The following NRG3 variants were observed in gnomAD, a reference collection of about 807,000 sequenced individuals.
The protein encoded by NRG3 is pro-neuregulin-3, membrane-bound isoform.
A neutral mutation model predicts 66.9 loss-of-function variants in NRG3; 31 were observed. That is an observed-to-expected ratio of 0.46 (90% CI 0.35 to 0.63). The LOEUF is 0.63. NRG3 is among the 20% of genes least tolerant of loss of function. The probability of loss-of-function intolerance (pLI) is 0.00; values close to 1 mark genes in which losing one functional copy is unlikely to be tolerated. For missense variants in NRG3, 910 were observed against 878.9 expected (o/e 1.04, Z -0.45); for synonymous variants, 393 against 359.4 (o/e 1.09, Z -1.06).
chr10:82,960,214 C>A (rs1850490712), intron 6 of NRG3, among the ~76,000 whole-genome samples: 1 of 152,174 alleles, frequency 6.6e-6, no homozygotes, highest in South Asian at 2.1e-4. Flanking sequence ...TGTTAAACTT[C>A]TATTCATGGC....
At chr10:82,548,523 T>TCACACACA (rs59459683) in intron 2 of NRG3, among the ~76,000 whole-genome samples, 11 of 139,458 alleles carry the variant, frequency 7.9e-5, no homozygotes, top group Non-Finnish European at 1.6e-4. Flanking sequence ...ATTCTGTCTC[T>TCACACACA]CACACACACA....
intron 2 of NRG3, among the ~76,000 whole-genome samples, chr10:82,388,532 G>C (rs1292340096): frequency 1.3e-5 from 2 of 151,992 alleles, no homozygotes; most frequent in Admixed American, 6.6e-5. Context: ...ATGTAATATG[G>C]TAAATATTTG....
intron 2 of NRG3, among the ~76,000 whole-genome samples, chr10:82,386,714 T>C (rs2086017823): frequency 2.0e-5 from 3 of 152,316 alleles, no homozygotes; most frequent in Non-Finnish European, 2.9e-5. Flanking sequence ...TAATATGTCT[T>C]ATCAAATTAC....
At chr10:82,700,735 GTTCT>G (rs918192160) in intron 2 of NRG3, among the ~76,000 whole-genome samples, 49 of 152,030 alleles carry the variant, frequency 3.2e-4, no homozygotes, top group Non-Finnish European at 4.4e-5. Flanking sequence ...GATCTTCTGT[GTTCT>G]TTGTGTCTAC....
intron 1 of NRG3, among the ~76,000 whole-genome samples, chr10:82,048,325 C>T (rs1482341380): frequency 6.6e-6 from 1 of 151,600 alleles, no homozygotes; most frequent in Non-Finnish European, 1.5e-5. Context: ...CACACCTATT[C>T]CAAAATTGAC....
intron 1 of NRG3, among the ~76,000 whole-genome samples, chr10:82,159,314 C>G (rs960675059): frequency 1.3e-5 from 2 of 151,886 alleles, no homozygotes; most frequent in African/African-American, 4.8e-5. Flanking sequence ...CACTCCAACA[C>G]TATCTTCCTT....
At chr10:82,949,854 C>T (rs1849361114) in intron 4 of NRG3, among the ~76,000 whole-genome samples, 1 of 150,670 alleles carries the variant, frequency 6.6e-6, no homozygotes, top group African/African-American at 2.4e-5. Flanking sequence ...GACTCTATAT[C>T]AAAAACAAAA....
chr10:82,351,526 C>G (rs1013342919), intron 1 of NRG3, among the ~76,000 whole-genome samples: 1 of 152,122 alleles, frequency 6.6e-6, no homozygotes, highest in Non-Finnish European at 1.5e-5. Context: ...TGAGGTCTCT[C>G]TGTGCTGGAG....
chr10:82,953,836 T>C (rs938009411), intron 5 of NRG3, among the ~76,000 whole-genome samples: 4 of 151,524 alleles, frequency 2.6e-5, no homozygotes, highest in Non-Finnish European at 5.9e-5. Context: ...TGAGCACCTG[T>C]AATCTCAGCT....
chr10:82,791,155 C>A (rs977802573), intron 3 of NRG3, among the ~76,000 whole-genome samples: 4 of 152,044 alleles, frequency 2.6e-5, no homozygotes, highest in African/African-American at 9.7e-5. Context: ...CCTGCCCCCA[C>A]ATGGGTTTAC....
intron 1 of NRG3, among the ~76,000 whole-genome samples, chr10:82,347,536 A>C (rs1453110820): frequency 1.9e-4 from 29 of 150,602 alleles, no homozygotes; most frequent in African/African-American, 5.1e-4. Context: ...AAAAAAATGT[A>C]TATTCTGTTG....
At chr10:82,134,937 A>C (rs1357694913) in intron 1 of NRG3, among the ~76,000 whole-genome samples, 1 of 151,972 alleles carries the variant, frequency 6.6e-6, no homozygotes, top group East Asian at 1.9e-4. Flanking sequence ...AGCCCAGCCA[A>C]CATGGTGAAA....
rs148449328 is a variant in NRG3, at chr10:82,557,915, T to G, written c.954-180662T>G. Reference sequence around the variant, plus strand: ...CCCAGAAGGTTTGGCTCCAAATCCTTGAAGTCACCAGCTGGTGAGAAGAGA... The same window carrying G: ...CCCAGAAGGTTTGGCTCCAAATCCTGGAAGTCACCAGCTGGTGAGAAGAGA... On this transcript the variant is annotated intron_variant, in intron 2 of 8. Coordinates refer to ENST00000372141, the MANE Select transcript of NRG3 (RefSeq NM_001010848.4). 1.7e-3 allele frequency among the ~76,000 whole-genome samples: 265 copies of G among 152,226 alleles called. 1 individual carries two copies. Among genetic ancestry groups the G allele is most frequent in the African/African-American group, 5.8e-3 (241 of 41,546 alleles).
intron 2 of NRG3, among the ~76,000 whole-genome samples, chr10:82,411,929 T>C (rs1365326768): frequency 2.0e-5 from 3 of 151,862 alleles, no homozygotes; most frequent in Non-Finnish European, 4.4e-5. Context: ...TCAAGAGAGA[T>C]GGGAAAAAGA....
intron 7 of NRG3, 98 bp downstream of exon 7, chr10:82,974,013 A>AGAACAGTTGTCTCT: frequency 1.4e-6 from 2 of 1,386,806 alleles, no homozygotes; most frequent in Non-Finnish European, 2.0e-6. Context: ...AGGAGAGACA[A>AGAACAGTTGTCTCT]CTGTTCTTGC....
chr10:82,062,863 A>C (rs1172674463), intron 1 of NRG3, among the ~76,000 whole-genome samples: 10 of 152,164 alleles, frequency 6.6e-5, no homozygotes, highest in Admixed American at 6.5e-4. Context: ...GTGTATTCAG[A>C]GCATACCTAC....
At chr10:82,215,340 C>A (rs911462301) in intron 1 of NRG3, among the ~76,000 whole-genome samples, 1 of 152,074 alleles carries the variant, frequency 6.6e-6, no homozygotes, top group Non-Finnish European at 1.5e-5. Flanking sequence ...TATTCAGATG[C>A]TATTCTAGTT....
At chr10:82,446,421 G>A (rs190125940) in intron 2 of NRG3, among the ~76,000 whole-genome samples, 1 of 152,286 alleles carries the variant, frequency 6.6e-6, no homozygotes, top group East Asian at 1.9e-4. Context: ...TAAAGAAAAT[G>A]TGGTACATAT....
chr10:81,918,562 CAGTT>C lies in NRG3; in HGVS notation c.823+42403_823+42406del, dbSNP rs200183332. 6.0e-3 allele frequency among the ~76,000 whole-genome samples: 911 copies of C among 152,226 alleles called. 17 individuals carry two copies. Among genetic ancestry groups the C allele is most frequent in the African/African-American group, 0.021 (887 of 41,534 alleles). ...ATGATATTTTATATGCTCTGTTTAG[CAGTT>C]AGTAATGAAGCATAAAGGGAAGCCA... On this transcript the variant is annotated intron_variant, in intron 1 of 8. Transcript: ENST00000372141.
Sources: allele counts gnomAD v4.1 joint callset (sites outside exome capture counted in the v4.1 genomes callset), GRCh38; gene constraint gnomAD v4.1.1; transcripts MANE v1.5; gene names NCBI Gene and HGNC (gene_info 2026-07-23, HGNC 2026-07-21).